The following KIAA1210 variants were observed in gnomAD, a reference collection of about 807,000 sequenced individuals.
KIAA1210 encodes the protein acrosomal protein KIAA1210.
KIAA1210 carries 48 observed loss-of-function variants against 78.9 expected under a neutral mutation model. The ratio of observed to expected loss-of-function variants is 0.61; its 90% CI spans 0.48 to 0.77. The LOEUF is 0.77. Ranked by LOEUF, KIAA1210 falls within the 30% of genes least tolerant of loss-of-function variation. KIAA1210 has a pLI of 0.00. For synonymous variants in KIAA1210, 406 were observed against 404.5 expected (o/e 1.00, Z -0.04); for missense variants, 1,108 against 1,100.0 (o/e 1.01, Z -0.10).
At chrX:119,108,527 T>C in intron 4 of KIAA1210, 56 bp from the exon 5 acceptor site, 1 of 1,156,132 alleles carries the variant, frequency 8.6e-7, no homozygotes. Context: ...ACATAAACAG[T>C]GGAATGTTGC....
chrX:119,081,505 C>T lies in KIAA1210; in HGVS notation c.4427-1G>A. The T allele has an allele frequency of 8.3e-7, 1 of 1,204,876 alleles. No individual in the cohort carries two copies. Among genetic ancestry groups the T allele is most frequent in the Non-Finnish European group, 1.1e-6 (1 of 892,103 alleles). ...AGTATCTTCTGAGCTTCAAATCCAACTGGAACCACAGCAAATAACACACAA... is the reference window on the plus strand; with the variant it reads ...AGTATCTTCTGAGCTTCAAATCCAATTGGAACCACAGCAAATAACACACAA... On this transcript the variant is annotated splice_acceptor_variant, in intron 11 of 11. Coordinates refer to ENST00000691062, the MANE Select transcript of KIAA1210 (RefSeq NM_001394962.1). LOFTEE classifies it high-confidence loss of function.
exon 1 of KIAA1210, chrX:119,150,531 G>A: frequency 8.3e-7 from 1 of 1,210,519 alleles, no homozygotes; most frequent in Non-Finnish European, 1.1e-6. Flanking sequence ...CCAGGAAGGA[G>A]AGAAGCGTGA....
chrX:119,083,257 G>T, intron 10 of KIAA1210, 137 bp from the exon 11 acceptor site: 1 of 376,262 alleles, frequency 2.7e-6, no homozygotes, highest in Non-Finnish European at 4.4e-6. Flanking sequence ...AAAGAGATTA[G>T]AAATATAGAG....
At chrX:119,092,169 G>A (rs778206982) in intron 8 of KIAA1210, among the ~76,000 whole-genome samples, 75 of 111,788 alleles carry the variant, frequency 6.7e-4, no homozygotes, top group African/African-American at 2.4e-3. Context: ...AATTGCATTG[G>A]TCCACAGGCT....
Position 119,089,662 on chromosome X carries a change from C to A in KIAA1210, c.1040G>T (p.Arg347Leu). ...TDQAPNTDAS[R>L]SQGYPMSAAY... The stretch of plus-strand genomic sequence containing the variant: ...TGCTGACATTGGATAGCCCTGACTC[C>A]GAGAAGCATCAGTGTTTGGAGCCTG... Residue 347 changes from arginine to leucine, a missense_variant, in exon 9 of 12, where the codon CGG (arginine) becomes CTG (leucine). Around this residue, in one of 5 missense-constraint regions of KIAA1210, gnomAD observed 672 missense variants for 607.1 expected, o/e 1.11. Transcript: ENST00000691062. 7.4e-6 allele frequency: 9 copies of A among 1,211,251 alleles called. No individual in the cohort carries two copies. Among genetic ancestry groups the A allele is most frequent in the Non-Finnish European group, 1.0e-5 (9 of 895,164 alleles).
At chrX:119,140,243 C>CTTAAA (rs1929015969) in intron 2 of KIAA1210, among the ~76,000 whole-genome samples, 1 of 111,513 alleles carries the variant, frequency 9.0e-6, no homozygotes, top group African/African-American at 3.3e-5. Flanking sequence ...TTAAAAAATG[C>CTTAAA]ACAGGCCGGG....
At chrX:119,133,892 C>T (rs187302419) in intron 2 of KIAA1210, among the ~76,000 whole-genome samples, 2 of 110,345 alleles carry the variant, frequency 1.8e-5, no homozygotes, top group Admixed American at 9.7e-5. Context: ...TTATGGGGTA[C>T]ATGTCATACT....
At chrX:119,148,581 C>A (rs377351213) in intron 1 of KIAA1210, among the ~76,000 whole-genome samples, 4 of 112,290 alleles carry the variant, frequency 3.6e-5, no homozygotes, top group East Asian at 5.6e-4. Flanking sequence ...CTTGATAATT[C>A]TCCTGTAAAC....
chrX:119,102,416 G>A (rs1025519422), intron 6 of KIAA1210, among the ~76,000 whole-genome samples: 2 of 111,241 alleles, frequency 1.8e-5, no homozygotes, highest in Admixed American at 1.9e-4. Context: ...TGCCCAGGTG[G>A]AAGTACAGTG....
intron 2 of KIAA1210, among the ~76,000 whole-genome samples, chrX:119,136,081 AAGGGGGTTGCTAGTGG>A (rs1490206315): frequency 9.0e-6 from 1 of 111,401 alleles, no homozygotes; most frequent in East Asian, 2.8e-4. Flanking sequence ...AAGTAGAAGA[AAGGGGGTTGCTAGTGG>A]AGGATGTGAA....
intron 1 of KIAA1210, among the ~76,000 whole-genome samples, chrX:119,125,733 A>ATT (rs1322949232): frequency 5.3e-4 from 4 of 7,587 alleles, no homozygotes; most frequent in African/African-American, 8.1e-4. Context: ...ATATATATAT[A>ATT]TATTTTTTTT....
At chrX:119,150,487 C>T in exon 1 of KIAA1210, 7 of 1,211,626 alleles carry the variant, frequency 5.8e-6, no homozygotes, top group Non-Finnish European at 7.8e-6. Flanking sequence ...CCCCTCGGTC[C>T]CTGGGGCCCA....
upstream of KIAA1210, among the ~76,000 whole-genome samples, chrX:119,129,744 G>A (rs1928744961): frequency 9.0e-6 from 1 of 111,425 alleles, no homozygotes; most frequent in South Asian, 3.8e-4. Flanking sequence ...CCGTGAGTGT[G>A]GAGCCCCATT....
At chrX:119,100,936 C>T (rs1184416495) in intron 6 of KIAA1210, among the ~76,000 whole-genome samples, 1 of 112,074 alleles carries the variant, frequency 8.9e-6, no homozygotes, top group East Asian at 2.8e-4. Context: ...TAAATGGGCT[C>T]CTTGTGCCTC....
intron 11 of KIAA1210, 121 bp downstream of exon 11, chrX:119,082,894 C>T (rs768247443): frequency 1.7e-4 from 74 of 431,443 alleles, no homozygotes; most frequent in Non-Finnish European, 2.8e-4. Context: ...TAAAGAGCCA[C>T]GCGAGAAATC....
At chrX:119,123,842 A>G (rs779077369) in intron 1 of KIAA1210, among the ~76,000 whole-genome samples, 190 bp from the exon 2 acceptor site, 15 of 112,201 alleles carry the variant, frequency 1.3e-4, no homozygotes, top group South Asian at 3.7e-4. Context: ...AAATGATTCC[A>G]TTTACATAAA....
chrX:119,144,008 ATC>A (rs768076972), intron 2 of KIAA1210, among the ~76,000 whole-genome samples: 1 of 112,559 alleles, frequency 8.9e-6, no homozygotes, highest in East Asian at 2.8e-4. Context: ...GTACATATGT[ATC>A]TGTCAGTCCA....
intron 3 of KIAA1210, among the ~76,000 whole-genome samples, chrX:119,111,910 A>T (rs1420231119): frequency 1.8e-5 from 2 of 111,491 alleles, no homozygotes; most frequent in Non-Finnish European, 1.9e-5. Context: ...AAGAAAAAAT[A>T]AATAGATAAA....
chrX:119,125,696 C>T (rs1304755723), intron 1 of KIAA1210, among the ~76,000 whole-genome samples: 2 of 57,168 alleles, frequency 3.5e-5, no homozygotes, highest in African/African-American at 1.2e-4. Context: ...AGGCGTGCTC[C>T]ACCATGCCCA....
Sources: gnomAD v4.1 joint callset for allele counts (sites outside exome capture counted in the v4.1 genomes callset) on GRCh38, gnomAD v4.1.1 for gene constraint, gnomAD v4.1.1 regional missense constraint, MANE v1.5 for transcripts, NCBI Gene and HGNC (gene_info 2026-07-23, HGNC 2026-07-21) for gene names.